Variants in NTRK2 observed in about 807,000 individuals in gnomAD.
NTRK2 encodes neurotrophic receptor tyrosine kinase 2.
In NTRK2, 13 loss-of-function variants were observed where a neutral mutation model predicts 94.5. The observed-to-expected ratio is 0.14, with a 90% confidence interval of 0.09 to 0.22. NTRK2 has a LOEUF of 0.22. Among genes scored for constraint, NTRK2 ranks in the 10% least tolerant of loss-of-function variants. The probability of loss-of-function intolerance (pLI) is 1.00; values close to 1 mark genes in which losing one functional copy is unlikely to be tolerated. For missense variants in NTRK2, 639 were observed against 1,071.2 expected (o/e 0.60, Z 5.63); for synonymous variants, 372 against 407.4 (o/e 0.91, Z 1.05).
chr9:84,997,861 G>A (rs74451817), intron 17 of NTRK2, among the ~76,000 whole-genome samples: 2,764 of 152,280 alleles, frequency 0.018, 72 homozygotes, highest in African/African-American at 0.063. Context: ...CGCTGTGGCA[G>A]ATGCCACCTC....
At chr9:84,940,404 C>A (rs1354062659) in intron 15 of NTRK2, among the ~76,000 whole-genome samples, 1 of 152,178 alleles carries the variant, frequency 6.6e-6, no homozygotes, top group Non-Finnish European at 1.5e-5. Context: ...GACTCCCCTG[C>A]TTAGTGCAGC....
At chr9:84,748,837 A>G (rs1053805174) in intron 11 of NTRK2, among the ~76,000 whole-genome samples, 7 of 152,230 alleles carry the variant, frequency 4.6e-5, no homozygotes, top group East Asian at 1.9e-4. Context: ...AAAAACACCC[A>G]AAGTCATGAG....
At chr9:84,786,248 C>G (rs187856296) in intron 12 of NTRK2, among the ~76,000 whole-genome samples, 1 of 152,282 alleles carries the variant, frequency 6.6e-6, no homozygotes, top group East Asian at 1.9e-4. Context: ...ATTTATGGAG[C>G]ACTTGCTTGT....
Position 84,817,419 on chromosome 9 carries a change from C to T in NTRK2, c.1397-43621C>T, listed in dbSNP as rs79810720. ...CTCTTTATCCAAGCCAATTCTTACACACTGATTCTGCCTCAGGTTTGATTT... is the reference window on the plus strand; with the variant it reads ...CTCTTTATCCAAGCCAATTCTTACATACTGATTCTGCCTCAGGTTTGATTT... On this transcript the variant is annotated intron_variant, in intron 12 of 18. Transcript: ENST00000277120. Among the ~76,000 whole-genome samples, 203 of 152,340 alleles carry T rather than the reference C, an allele frequency of 1.3e-3. 5 individuals carry two copies. In the East Asian group the frequency reaches 0.035, roughly 27 times the overall value.
At chr9:84,723,117 T>G (rs905711779) in intron 6 of NTRK2, among the ~76,000 whole-genome samples, 1 of 152,184 alleles carries the variant, frequency 6.6e-6, no homozygotes, top group Non-Finnish European at 1.5e-5. Flanking sequence ...AAAAAACAGA[T>G]TTTTGCAAAA....
At chr9:84,708,210 G>T (rs944681048) in intron 5 of NTRK2, among the ~76,000 whole-genome samples, 1 of 152,112 alleles carries the variant, frequency 6.6e-6, no homozygotes, top group African/African-American at 2.4e-5. Flanking sequence ...AAAAAGAAGG[G>T]GGCTTTGTGT....
chr9:85,005,234 G>A (rs895583221), intron 17 of NTRK2, among the ~76,000 whole-genome samples: 9 of 152,218 alleles, frequency 5.9e-5, no homozygotes, highest in African/African-American at 2.2e-4. Flanking sequence ...AAACATGGCT[G>A]ATGACTGCCT....
At chr9:84,956,955 A>C (rs911433623) in intron 17 of NTRK2, among the ~76,000 whole-genome samples, 1 of 152,056 alleles carries the variant, frequency 6.6e-6, no homozygotes, top group East Asian at 1.9e-4. Context: ...TATTTGCAGG[A>C]GATGGGGGCA....
At chr9:84,786,118 T>C (rs1189333156) in intron 12 of NTRK2, among the ~76,000 whole-genome samples, 1 of 152,226 alleles carries the variant, frequency 6.6e-6, no homozygotes, top group African/African-American at 2.4e-5. Context: ...TCCCTTATGC[T>C]GATCCCTGCC....
intron 6 of NTRK2, among the ~76,000 whole-genome samples, chr9:84,722,970 T>G (rs1048946881): frequency 2.6e-5 from 4 of 152,242 alleles, no homozygotes; most frequent in Non-Finnish European, 5.9e-5. Context: ...TTATATAACT[T>G]TGAAACTTTC....
At chr9:84,955,551 C>G (rs200732669) in intron 17 of NTRK2, 34 bp downstream of exon 17, 10 of 1,542,786 alleles carry the variant, frequency 6.5e-6, no homozygotes. Flanking sequence ...ACCCCAGGGA[C>G]CTCTTTCCCT....
chr9:84,825,431 T>C (rs2073122873), intron 12 of NTRK2, among the ~76,000 whole-genome samples: 1 of 152,096 alleles, frequency 6.6e-6, no homozygotes, highest in African/African-American at 2.4e-5. Context: ...CCACCTCTGG[T>C]CCACTTCCTT....
At chr9:84,811,918 C>CACCCCACCCT in intron 12 of NTRK2, 2 of 1,056,518 alleles carry the variant, frequency 1.9e-6, no homozygotes, top group Non-Finnish European at 2.3e-6. Context: ...CACCCCACCC[C>CACCCCACCCT]ACCCCACCCT....
chr9:84,973,252 G>C (rs1186770029), intron 17 of NTRK2, among the ~76,000 whole-genome samples: 2 of 152,166 alleles, frequency 1.3e-5, no homozygotes. Context: ...GCAGATCAGA[G>C]AAACCCAGAG....
chr9:84,877,568 C>G, intron 14 of NTRK2: 1 of 1,066,332 alleles, frequency 9.4e-7, no homozygotes, highest in Non-Finnish European at 1.1e-6. Context: ...CCTCATTGCA[C>G]TGGTCTCAAC....
intron 17 of NTRK2, among the ~76,000 whole-genome samples, chr9:85,010,008 T>A (rs938814937): frequency 2.0e-5 from 3 of 152,208 alleles, no homozygotes; most frequent in African/African-American, 7.2e-5. Context: ...AAGTCTTCAG[T>A]ATTAATGAAG....
chr9:84,803,591 C>A (rs2070756791), intron 12 of NTRK2, among the ~76,000 whole-genome samples: 1 of 152,146 alleles, frequency 6.6e-6, no homozygotes, highest in Admixed American at 6.5e-5. Context: ...GAACTAGGTT[C>A]CTTGAAAAGC....
rs568721128 is a variant in NTRK2, at chr9:84,820,173, T to C, written c.1397-40867T>C. On this transcript the variant is annotated intron_variant, in intron 12 of 18. Coordinates refer to ENST00000277120, the MANE Select transcript of NTRK2 (RefSeq NM_006180.6). ...ACTTTTTTTCTTTCTTTCTTTCTTTTTTTTTTTTTTTTTGGTGACAGCGTC... is the reference window on the plus strand; with the variant it reads ...ACTTTTTTTCTTTCTTTCTTTCTTTCTTTTTTTTTTTTTGGTGACAGCGTC... Among the ~76,000 whole-genome samples, 599 of 148,888 alleles carry C rather than the reference T, an allele frequency of 4.0e-3. 5 individuals carry two copies. The highest frequency in any genetic ancestry group is 0.013 in the African/African-American group (511 of 40,502).
chr9:84,742,054 A>G, intron 10 of NTRK2, 127 bp downstream of exon 10: 1 of 803,442 alleles, frequency 1.2e-6, no homozygotes, highest in South Asian at 1.6e-5. Context: ...ATAGGCCAAA[A>G]TAGTATTTCA....
Sources: allele counts gnomAD v4.1 joint callset (sites outside exome capture counted in the v4.1 genomes callset), GRCh38; gene constraint gnomAD v4.1.1; transcripts MANE v1.5; gene names NCBI Gene and HGNC (gene_info 2026-07-23, HGNC 2026-07-21).